Variants in EPHA3 observed in about 807,000 individuals in gnomAD.
EPHA3 encodes the protein EPH receptor A3.
In EPHA3, 42 loss-of-function variants were observed where a neutral mutation model predicts 107.1. The ratio of observed to expected loss-of-function variants is 0.39; its 90% CI spans 0.31 to 0.51. The LOEUF (loss-of-function observed/expected upper bound fraction) is 0.51. EPHA3 is among the 20% of genes least tolerant of loss of function. The probability of loss-of-function intolerance (pLI) is 0.78; values close to 1 mark genes in which losing one functional copy is unlikely to be tolerated. For synonymous variants in EPHA3, 461 were observed against 424.8 expected (o/e 1.09, Z -1.05); for missense variants, 1,183 against 1,211.2 (o/e 0.98, Z 0.35).
intron 3 of EPHA3, among the ~76,000 whole-genome samples, chr3:89,219,699 TTTTGTTTTTTG>T (rs1322804577): frequency 0.034 from 359 of 10,626 alleles, 93 homozygotes; most frequent in African/African-American, 0.1. Context: ...TTTTTTTTTT[TTTTGTTTTTTG>T]TTTTTTTTTT....
At chr3:89,130,313 A>G (rs566731392) in intron 2 of EPHA3, among the ~76,000 whole-genome samples, 47 of 152,298 alleles carry the variant, frequency 3.1e-4, no homozygotes, top group African/African-American at 1.1e-3. Flanking sequence ...AACTAAGGAG[A>G]TTTGGGAGAC....
At chr3:89,314,417 G>A (rs575127999) in intron 3 of EPHA3, among the ~76,000 whole-genome samples, 1 of 151,804 alleles carries the variant, frequency 6.6e-6, no homozygotes, top group Non-Finnish European at 1.5e-5. Context: ...ATCTTTAATA[G>A]TGTGGGAATC....
chr3:89,317,913 G>A (rs1706946783), intron 3 of EPHA3, among the ~76,000 whole-genome samples: 1 of 151,754 alleles, frequency 6.6e-6, no homozygotes, highest in South Asian at 2.1e-4. Flanking sequence ...GATTTGATAA[G>A]TTAAAATATT....
At chr3:89,126,326 CAATT>C (rs1360245480) in intron 1 of EPHA3, among the ~76,000 whole-genome samples, 2 of 151,548 alleles carry the variant, frequency 1.3e-5, no homozygotes, top group Non-Finnish European at 3.0e-5. Flanking sequence ...GTCAGATAGA[CAATT>C]AAAGTGAACC....
Position 89,413,199 on chromosome 3 carries a change from A to G in EPHA3, c.1821A>G (p.Gln607=), listed in dbSNP as rs1339615261. The change falls in exon 10 of 17, where the codon CAA becomes CAG. Residue 607 remains glutamine (Q), a synonymous_variant. Transcript: ENST00000336596. ...CACATACATATGAAGACCCTACCCA[A>G]GCTGTTCATGAGTTTGCCAAGGAAT... ...VDPHTYEDPT[Q]AVHEFAKELD... is the part of the protein sequence containing the mutation. 1 of 1,611,808 alleles carries G rather than the reference A, an allele frequency of 6.2e-7. No homozygotes were observed. Among genetic ancestry groups the G allele is most frequent in the African/African-American group, 1.3e-5 (1 of 74,698 alleles).
At chr3:89,370,982 G>A (rs1708289432) in intron 5 of EPHA3, among the ~76,000 whole-genome samples, 1 of 151,444 alleles carries the variant, frequency 6.6e-6, no homozygotes, top group South Asian at 2.1e-4. Context: ...TGGATATAAA[G>A]TAAGAAAATA....
chr3:89,210,590 G>A, intron 3 of EPHA3, 70 bp downstream of exon 3: 1 of 1,449,216 alleles, frequency 6.9e-7, no homozygotes, highest in African/African-American at 1.4e-5. Flanking sequence ...GTCATTAAAT[G>A]AAATGCACTC....
chr3:89,211,847 G>T (rs1704107519), intron 3 of EPHA3, among the ~76,000 whole-genome samples: 4 of 143,384 alleles, frequency 2.8e-5, no homozygotes, highest in South Asian at 2.2e-4. Flanking sequence ...TCTTTCTTTT[G>T]GCTAGGTAGG....
chr3:89,472,609 AT>A lies in EPHA3; in HGVS notation c.2839del (p.Ser947ProfsTer5). The A allele has an allele frequency of 1.9e-6, 3 of 1,608,798 alleles. No homozygotes were observed. Among genetic ancestry groups the A allele is most frequent in the Non-Finnish European group, 2.5e-6 (3 of 1,178,098 alleles). ...EYSSCDTIAK[I>X]STDDMKKVGV... ...CAGTTCTTGTGACACAATAGCCAAG[AT>A]TTCCACAGAGTAAGAAAAAAAAATT... On this transcript the variant is annotated frameshift_variant, in exon 16 of 17. Coordinates refer to ENST00000336596, the MANE Select transcript of EPHA3 (RefSeq NM_005233.6). LOFTEE classifies it high-confidence loss of function.
chr3:89,365,877 T>C (rs751796798), intron 5 of EPHA3, among the ~76,000 whole-genome samples: 1 of 150,810 alleles, frequency 6.6e-6, no homozygotes, highest in Non-Finnish European at 1.5e-5. Context: ...GGGTATTTTT[T>C]CTTCATTTTA....
chr3:89,347,812 T>C (rs1009916621), intron 5 of EPHA3, among the ~76,000 whole-genome samples: 4 of 150,688 alleles, frequency 2.7e-5, no homozygotes, highest in African/African-American at 9.7e-5. Context: ...TTATTGAGAG[T>C]TTTTAGCATG....
intron 7 of EPHA3, among the ~76,000 whole-genome samples, chr3:89,403,570 G>T (rs1251640890): frequency 6.6e-6 from 1 of 152,140 alleles, no homozygotes. Context: ...TAGCATGAAG[G>T]TAGCTTCCAC....
intron 3 of EPHA3, among the ~76,000 whole-genome samples, chr3:89,306,664 C>T (rs568609636): frequency 6.6e-6 from 1 of 152,266 alleles, no homozygotes; most frequent in East Asian, 1.9e-4. Context: ...CTGGCTTCTC[C>T]AGGCTGGCTT....
chr3:89,467,290 A>G (rs1253937530), intron 15 of EPHA3, among the ~76,000 whole-genome samples: 2 of 152,212 alleles, frequency 1.3e-5, no homozygotes, highest in East Asian at 1.9e-4. Context: ...AATTATTAGT[A>G]TTTTGGCTTT....
intron 2 of EPHA3, among the ~76,000 whole-genome samples, chr3:89,151,733 G>T (rs1704694244): frequency 6.6e-6 from 1 of 151,900 alleles, no homozygotes; most frequent in Non-Finnish European, 1.5e-5. Context: ...ATCAAACATG[G>T]ATATGTGTAT....
At chr3:89,208,477 A>AGAAAGAAAGAAAGAAAGAAAGAAAGAAG (rs761847794) in intron 2 of EPHA3, among the ~76,000 whole-genome samples, 6 of 133,364 alleles carry the variant, frequency 4.5e-5, no homozygotes, top group Non-Finnish European at 8.0e-5. Flanking sequence ...AAAGAAAGAA[A>AGAAAGAAAGAAAGAAAGAAAGAAAGAAG]GAAAGAGAAA....
rs1576374343 is a variant in EPHA3, at chr3:89,431,140, T to C, written c.2137-10T>C. ...ACGTATCTTAATTGTACATTTGAAA[T>C]GCTTCCCAGAAACACGATGCCCAGT... On this transcript the variant is annotated splice_polypyrimidine_tract_variant and intron_variant, in intron 12 of 16. Coordinates refer to ENST00000336596, the MANE Select transcript of EPHA3 (RefSeq NM_005233.6). 2 of 1,612,158 alleles carry C rather than the reference T, an allele frequency of 1.2e-6. No homozygotes were observed. Among genetic ancestry groups the C allele is most frequent in the African/African-American group, 1.3e-5 (1 of 74,776 alleles).
At chr3:89,369,142 G>A (rs957225201) in intron 5 of EPHA3, among the ~76,000 whole-genome samples, 2 of 150,308 alleles carry the variant, frequency 1.3e-5, no homozygotes, top group Non-Finnish European at 3.0e-5. Context: ...GAGAACTCAA[G>A]GAATGGTAAG....
At chr3:89,252,735 T>A (rs1705192961) in intron 3 of EPHA3, among the ~76,000 whole-genome samples, 2 of 152,112 alleles carry the variant, frequency 1.3e-5, no homozygotes, top group African/African-American at 2.4e-5. Flanking sequence ...TTCATATTTT[T>A]AAAATATTAT....
Sources: allele counts gnomAD v4.1 joint callset (sites outside exome capture counted in the v4.1 genomes callset), GRCh38; gene constraint gnomAD v4.1.1; transcripts MANE v1.5; gene names NCBI Gene and HGNC (gene_info 2026-07-23, HGNC 2026-07-21).